Variants in CSMD1 observed in about 807,000 individuals in gnomAD.
CSMD1 encodes the protein CUB and sushi domain-containing protein 1.
CSMD1 carries 213 observed loss-of-function variants against 417.5 expected under a neutral mutation model. That is an observed-to-expected ratio of 0.51 (90% CI 0.46 to 0.57). CSMD1 has a LOEUF of 0.57. Among genes scored for constraint, CSMD1 ranks in the 20% least tolerant of loss-of-function variants. CSMD1 has a pLI of 0.00. For synonymous variants in CSMD1, 2,862 were observed against 1,736.8 expected (o/e 1.65, Z -16.11); for missense variants, 6,923 against 4,529.7 (o/e 1.53, Z -15.17).
At chr8:4,626,270 C>T (rs1303915983) in intron 2 of CSMD1, among the ~76,000 whole-genome samples, 1 of 152,060 alleles carries the variant, frequency 6.6e-6, no homozygotes, top group South Asian at 2.1e-4. Flanking sequence ...CTCTCTGATT[C>T]TCTCAAATTG....
At chr8:4,782,811 G>A (rs1026618392) in intron 1 of CSMD1, among the ~76,000 whole-genome samples, 3 of 151,862 alleles carry the variant, frequency 2.0e-5, no homozygotes, top group Non-Finnish European at 4.4e-5. Context: ...TTTTCACATG[G>A]TCCACCAATT....
chr8:4,128,950 C>T (rs55946653), intron 3 of CSMD1, among the ~76,000 whole-genome samples: 1,648 of 151,988 alleles, frequency 0.011, 14 homozygotes, highest in Non-Finnish European at 0.017. Context: ...GTGGCATGTG[C>T]CTGTAGTCCC....
intron 7 of CSMD1, among the ~76,000 whole-genome samples, chr8:3,677,735 A>G (rs144759257): frequency 7.3e-4 from 111 of 152,296 alleles, no homozygotes; most frequent in African/African-American, 2.6e-3. Flanking sequence ...TTTTGGAAAA[A>G]AGCCCTAAAC....
chr8:3,461,194 C>T (rs1203574592), intron 12 of CSMD1, among the ~76,000 whole-genome samples: 1 of 152,120 alleles, frequency 6.6e-6, no homozygotes, highest in African/African-American at 2.4e-5. Flanking sequence ...AGTGCTCAAA[C>T]AAAGGCCTTA....
chr8:2,992,878 C>T (rs559040333), intron 54 of CSMD1, among the ~76,000 whole-genome samples: 37 of 152,060 alleles, frequency 2.4e-4, no homozygotes, highest in Admixed American at 7.9e-4. Flanking sequence ...GGTGGAACTA[C>T]GGGCATGTAC....
At chr8:4,440,413 T>G (rs189226648) in intron 2 of CSMD1, among the ~76,000 whole-genome samples, 5 of 152,248 alleles carry the variant, frequency 3.3e-5, no homozygotes, top group African/African-American at 9.6e-5. Flanking sequence ...CACACCTATA[T>G]CTAATTATCC....
intron 2 of CSMD1, among the ~76,000 whole-genome samples, chr8:4,600,491 GC>G (rs1488463384): frequency 2.0e-5 from 3 of 152,036 alleles, no homozygotes; most frequent in African/African-American, 7.3e-5. Context: ...GATATAATAG[GC>G]TAAATAAATA....
Position 3,607,899 on chromosome 8 carries a change from G to A in CSMD1, c.1097+8811C>T, listed in dbSNP as rs530690266. On this transcript the variant is annotated intron_variant, in intron 8 of 69. Coordinates refer to ENST00000635120, the MANE Select transcript of CSMD1 (RefSeq NM_033225.6). Reference sequence around the variant, plus strand: ...GAAGTAAAGGAAGTAGCCAGGCACAGTGGTTCATGCCTGTAATCCCAGCAC... The same window carrying A: ...GAAGTAAAGGAAGTAGCCAGGCACAATGGTTCATGCCTGTAATCCCAGCAC... 2.6e-4 allele frequency among the ~76,000 whole-genome samples: 39 copies of A among 152,336 alleles called. 2 individuals are homozygous for A. The South Asian group carries it at 7.9e-3, about 31-fold the overall frequency.
chr8:3,773,437 C>T (rs778988457), intron 5 of CSMD1, among the ~76,000 whole-genome samples: 2 of 152,054 alleles, frequency 1.3e-5, no homozygotes, highest in Non-Finnish European at 1.5e-5. Context: ...CAGTCATGCA[C>T]CACTATGCCT....
intron 6 of CSMD1, among the ~76,000 whole-genome samples, chr8:3,732,297 C>A (rs923629601): frequency 5.3e-5 from 8 of 152,118 alleles, no homozygotes; most frequent in South Asian, 2.1e-4. Flanking sequence ...AAAATCTTTC[C>A]GCTAAAAATA....
intron 3 of CSMD1, among the ~76,000 whole-genome samples, chr8:4,073,718 T>A (rs1401979986): frequency 6.6e-6 from 1 of 152,156 alleles, no homozygotes; most frequent in Admixed American, 6.5e-5. Context: ...AATATTGACT[T>A]GTATAGACAC....
chr8:3,973,318 A>C (rs1166965570), intron 5 of CSMD1, among the ~76,000 whole-genome samples: 2 of 152,192 alleles, frequency 1.3e-5, no homozygotes, highest in Non-Finnish European at 2.9e-5. Flanking sequence ...ATATCAGTTG[A>C]ATGTCTGCAC....
intron 10 of CSMD1, among the ~76,000 whole-genome samples, chr8:3,512,802 C>T (rs1442367967): frequency 6.6e-6 from 1 of 151,856 alleles, no homozygotes; most frequent in Non-Finnish European, 1.5e-5. Flanking sequence ...GACAGGGTTT[C>T]ACCATGTTGG....
intron 11 of CSMD1, among the ~76,000 whole-genome samples, chr8:3,475,833 T>G (rs1273515460): frequency 6.6e-6 from 1 of 152,252 alleles, no homozygotes; most frequent in Non-Finnish European, 1.5e-5. Flanking sequence ...ACTTTGTGAG[T>G]ACCTTTAACT....
chr8:4,156,842 G>C (rs980243566), intron 3 of CSMD1, among the ~76,000 whole-genome samples: 2 of 151,568 alleles, frequency 1.3e-5, no homozygotes, highest in Non-Finnish European at 2.9e-5. Flanking sequence ...ACAATCACAG[G>C]GAGGCTTTTT....
intron 3 of CSMD1, among the ~76,000 whole-genome samples, chr8:4,146,209 G>A (rs987560094): frequency 6.6e-6 from 1 of 150,972 alleles, no homozygotes; most frequent in Non-Finnish European, 1.5e-5. Flanking sequence ...GGGTGATATC[G>A]TTTGGAAACA....
At chr8:3,422,987 C>A (rs1432684203) in intron 12 of CSMD1, among the ~76,000 whole-genome samples, 1 of 152,174 alleles carries the variant, frequency 6.6e-6, no homozygotes, top group African/African-American at 2.4e-5. Flanking sequence ...TTACTGCTAC[C>A]AAATTGGCAA....
chr8:3,193,652 G>A lies in CSMD1; in HGVS notation c.5195-3537C>T, dbSNP rs1392372141. ...GAAGCCAAATTGAAATCGGGCCAGT[G>A]GAAAAGTGAGCAGGAATGAGGTCAG... On this transcript the variant is annotated intron_variant, in intron 33 of 69. Transcript: ENST00000635120. Among the ~76,000 whole-genome samples, 6 of 152,068 alleles carry A rather than the reference G, an allele frequency of 3.9e-5. No homozygotes were observed. In the East Asian group the frequency reaches 9.6e-4, roughly 24 times the overall value.
chr8:4,228,918 C>T (rs866439519), intron 3 of CSMD1, among the ~76,000 whole-genome samples: 2 of 151,980 alleles, frequency 1.3e-5, no homozygotes, highest in African/African-American at 2.4e-5. Flanking sequence ...CTGACTGCCT[C>T]GGTCTCCAAA....
Sources: allele counts gnomAD v4.1 joint callset (sites outside exome capture counted in the v4.1 genomes callset), GRCh38; gene constraint gnomAD v4.1.1; transcripts MANE v1.5; gene names NCBI Gene and HGNC (gene_info 2026-07-23, HGNC 2026-07-21).